LINGO2: variants seen among roughly 807,000 people sequenced by gnomAD.
LINGO2 encodes leucine-rich repeat and immunoglobulin-like domain-containing nogo receptor-interacting protein 2.
A neutral mutation model predicts 30.6 loss-of-function variants in LINGO2; 14 were observed. That is an observed-to-expected ratio of 0.46 (90% CI 0.30 to 0.72). The LOEUF (loss-of-function observed/expected upper bound fraction) is 0.72, where lower values mean the gene tolerates loss of function less well. Ranked by LOEUF, LINGO2 falls within the 30% of genes least tolerant of loss-of-function variation. The pLI is 0.07. For synonymous variants in LINGO2, 317 were observed against 288.5 expected (o/e 1.10, Z -1.00); for missense variants, 729 against 751.7 (o/e 0.97, Z 0.35).
rs1564029706 is a variant in LINGO2, at chr9:28,189,713, A to AAGGAAGGAAGGAAGGG, written c.-87+105494_-87+105495insCCCTTCCTTCCTTCCT. Among the ~76,000 whole-genome samples the AAGGAAGGAAGGAAGGG allele has an allele frequency of 5.3e-5, 5 of 94,114 alleles. 2 individuals are homozygous for AAGGAAGGAAGGAAGGG. The highest frequency in any genetic ancestry group is 1.2e-4 in the Non-Finnish European group (5 of 43,266). The allele number at this position is 94,114 out of a possible 152,430, so 61.7% of individuals were successfully genotyped here. On this transcript the variant is annotated intron_variant, in intron 4 of 5. Transcript: ENST00000379992. The stretch of plus-strand genomic sequence containing the variant: ...GAAGGAAGGGAGGGAGGAAGGAAGG[A>AAGGAAGGAAGGAAGGG]AGGAAGGAAGGTTGGTTCAAAAGAT...
chr9:28,963,543 T>TACACACACACACACACAA, the LINGO2 span, among the ~76,000 whole-genome samples: 1 of 140,804 alleles, frequency 7.1e-6, no homozygotes, highest in Non-Finnish European at 1.6e-5. Flanking sequence ...GGTATATGAA[T>TACACACACACACACACAA]ACACACACAC....
chr9:28,711,199 A>T, the LINGO2 span, among the ~76,000 whole-genome samples: 1 of 152,142 alleles, frequency 6.6e-6, no homozygotes, highest in Non-Finnish European at 1.5e-5. Context: ...TTAAAAATAT[A>T]TTTTTATGTG....
the LINGO2 span, among the ~76,000 whole-genome samples, chr9:28,701,267 T>G: frequency 6.6e-6 from 1 of 152,056 alleles, no homozygotes; most frequent in Non-Finnish European, 1.5e-5. Context: ...CTATGTTATC[T>G]TCTAGGATTT....
At chr9:29,169,112 TA>T in the LINGO2 span, among the ~76,000 whole-genome samples, 1 of 152,070 alleles carries the variant, frequency 6.6e-6, no homozygotes, top group African/African-American at 2.4e-5. Context: ...CGCACCTGGC[TA>T]ATTTTTGTAT....
At chr9:28,434,361 AG>A (rs201000709) in intron 2 of LINGO2, among the ~76,000 whole-genome samples, 3,386 of 145,100 alleles carry the variant, frequency 0.023, 54 homozygotes, top group South Asian at 0.053. Context: ...AAAAAAAAAA[AG>A]AGAGAAGAGT....
chr9:28,553,496 T>C (rs1207164958), intron 1 of LINGO2, among the ~76,000 whole-genome samples: 1 of 152,046 alleles, frequency 6.6e-6, no homozygotes, highest in Non-Finnish European at 1.5e-5. Flanking sequence ...TATGGGACTA[T>C]GTGAAAAGAC....
chr9:28,698,591 G>A, the LINGO2 span, among the ~76,000 whole-genome samples: 2 of 151,944 alleles, frequency 1.3e-5, no homozygotes, highest in African/African-American at 2.4e-5. Flanking sequence ...TTATTGACTA[G>A]CTCTACAACA....
chr9:28,748,060 G>A, the LINGO2 span, among the ~76,000 whole-genome samples: 1 of 152,010 alleles, frequency 6.6e-6, no homozygotes, highest in Non-Finnish European at 1.5e-5. Flanking sequence ...ATACTTGATT[G>A]CTTTTTATGA....
At chr9:28,662,045 C>T (rs1286839203) in intron 1 of LINGO2, among the ~76,000 whole-genome samples, 3 of 152,136 alleles carry the variant, frequency 2.0e-5, no homozygotes, top group African/African-American at 7.2e-5. Context: ...CCACAGGGAA[C>T]TCAACAGTGA....
At chr9:28,594,078 A>G (rs1221101320) in intron 1 of LINGO2, among the ~76,000 whole-genome samples, 2 of 152,034 alleles carry the variant, frequency 1.3e-5, no homozygotes, top group African/African-American at 2.4e-5. Flanking sequence ...CCCGTGTTAT[A>G]ATATTACAGT....
At chr9:28,634,366 T>C (rs1008402989) in intron 1 of LINGO2, among the ~76,000 whole-genome samples, 4 of 152,176 alleles carry the variant, frequency 2.6e-5, no homozygotes, top group African/African-American at 7.2e-5. Flanking sequence ...ATCTCTTTTA[T>C]GTTTATTACA....
At chr9:28,025,927 C>CT (rs142563067) in intron 4 of LINGO2, among the ~76,000 whole-genome samples, 9,960 of 152,192 alleles carry the variant, frequency 0.065, 411 homozygotes, top group Non-Finnish European at 0.094. Flanking sequence ...TCAAGCTGCT[C>CT]TTCTCCTCAA....
chr9:28,739,290 T>A, the LINGO2 span, among the ~76,000 whole-genome samples: 1 of 151,886 alleles, frequency 6.6e-6, no homozygotes, highest in Non-Finnish European at 1.5e-5. Flanking sequence ...TGAGCTTATT[T>A]AATGAGAAAA....
chr9:28,914,205 C>T, the LINGO2 span, among the ~76,000 whole-genome samples: 2 of 152,066 alleles, frequency 1.3e-5, no homozygotes, highest in Non-Finnish European at 1.5e-5. Context: ...TTTGTGTATA[C>T]AAACAGATAG....
At chr9:29,081,007 G>C in the LINGO2 span, among the ~76,000 whole-genome samples, 3 of 152,020 alleles carry the variant, frequency 2.0e-5, no homozygotes, top group Admixed American at 2.0e-4. Flanking sequence ...AAAAGGAGGA[G>C]CTGGTACCAT....
chr9:28,043,984 ATG>A (rs1824306422), intron 4 of LINGO2, among the ~76,000 whole-genome samples: 2 of 152,128 alleles, frequency 1.3e-5, no homozygotes, highest in South Asian at 4.1e-4. Context: ...TTTTTAATCT[ATG>A]TGTTTTCCCC....
At chr9:28,483,613 A>G (rs1046261739) in intron 1 of LINGO2, among the ~76,000 whole-genome samples, 1 of 152,036 alleles carries the variant, frequency 6.6e-6, no homozygotes, top group South Asian at 2.1e-4. Flanking sequence ...AGGCCTTAAA[A>G]TAACTGTTAA....
intron 2 of LINGO2, among the ~76,000 whole-genome samples, chr9:28,415,179 G>A (rs1822917648): frequency 6.6e-6 from 1 of 151,996 alleles, no homozygotes; most frequent in African/African-American, 2.4e-5. Flanking sequence ...CAATTCACGT[G>A]CTAGTTCCTT....
chr9:28,937,820 G>C, the LINGO2 span, among the ~76,000 whole-genome samples: 1 of 151,894 alleles, frequency 6.6e-6, no homozygotes, highest in Non-Finnish European at 1.5e-5. Flanking sequence ...TTAAGTTCAG[G>C]GGTACAAGGG....
Sources: allele counts gnomAD v4.1 joint callset (sites outside exome capture counted in the v4.1 genomes callset), GRCh38; gene constraint gnomAD v4.1.1; transcripts MANE v1.5; gene names NCBI Gene and HGNC (gene_info 2026-07-23, HGNC 2026-07-21).